Variants in MCM9 observed in about 807,000 individuals in gnomAD.
MCM9 encodes DNA helicase MCM9.
In MCM9, 55 loss-of-function variants were observed where a neutral mutation model predicts 72.8. The ratio of observed to expected loss-of-function variants is 0.76; its 90% CI spans 0.61 to 0.95. The LOEUF is 0.95. Ranked by LOEUF, MCM9 falls within the 40% of genes least tolerant of loss-of-function variation. MCM9 has a pLI of 0.00. For missense variants in MCM9, 1,279 were observed against 1,377.0 expected (o/e 0.93, Z 1.13); for synonymous variants, 480 against 503.4 (o/e 0.95, Z 0.62).
intron 6 of MCM9, among the ~76,000 whole-genome samples, chr6:118,915,625 G>A (rs1780880639): frequency 6.6e-6 from 1 of 152,128 alleles, no homozygotes; most frequent in African/African-American, 2.4e-5. Context: ...CTTTAGACCA[G>A]CAAAATGAAG....
Position 118,815,274 on chromosome 6 carries a change from C to CG in MCM9, c.2981dup (p.Gln995AlafsTer18). 6.4e-7 allele frequency: 1 copy of CG among 1,550,666 alleles called. No individual in the cohort carries two copies. Among genetic ancestry groups the CG allele is most frequent in the Non-Finnish European group, 8.7e-7 (1 of 1,146,940 alleles). ...GTCCGTGTTTCTCTGGTGGCTGCTGCGACACCTCCTTTGTCTCACCCTGTG... is the reference window on the plus strand; with the variant it reads ...GTCCGTGTTTCTCTGGTGGCTGCTGCGGACACCTCCTTTGTCTCACCCTGTG... On this transcript the variant is annotated frameshift_variant, in exon 14 of 14. Coordinates refer to ENST00000619706, the MANE Select transcript of MCM9 (RefSeq NM_017696.3). LOFTEE classifies it low-confidence loss of function (END_TRUNC).
chr6:118,862,363 C>A (rs1475549547), intron 8 of MCM9, among the ~76,000 whole-genome samples: 3 of 152,212 alleles, frequency 2.0e-5, no homozygotes, highest in African/African-American at 4.8e-5. Context: ...AGCTGGCATC[C>A]CCTCAGCAGT....
chr6:118,904,100 A>AG (rs11370751), intron 8 of MCM9, among the ~76,000 whole-genome samples: 44,410 of 152,086 alleles, frequency 0.29, 7,795 homozygotes, highest in African/African-American at 0.49. Context: ...CCAAAGAGAA[A>AG]GAACATATCT....
Position 118,814,701 on chromosome 6 carries a change from C to T in MCM9, c.*123G>A. 1.1e-6 allele frequency: 1 copy of T among 920,666 alleles called. No individual in the cohort carries two copies. Among genetic ancestry groups the T allele is most frequent in the African/African-American group, 1.7e-5 (1 of 59,814 alleles). The allele number at this position is 920,666 out of a possible 1,614,324, so 57.0% of individuals were successfully genotyped here. A position where few individuals can be genotyped will look rare whatever the true frequency, so the allele number is the denominator to read the frequency against. ...AAATTAGAAAGCCTTAAGGGGGAGC[C>T]AGTATTCAGAGTGATCCTCAATATG... is the stretch of plus-strand genomic sequence containing the variant. On this transcript the variant is annotated 3_prime_UTR_variant, in exon 14 of 14. Coordinates refer to ENST00000619706, the MANE Select transcript of MCM9 (RefSeq NM_017696.3).
intron 9 of MCM9, among the ~76,000 whole-genome samples, chr6:118,834,749 A>C (rs1037353032): frequency 3.3e-5 from 5 of 151,590 alleles, no homozygotes; most frequent in Non-Finnish European, 5.9e-5. Context: ...GATTCTGGAT[A>C]TTAGACCTTT....
At chr6:118,899,964 A>G (rs1779692608) in intron 8 of MCM9, among the ~76,000 whole-genome samples, 1 of 152,198 alleles carries the variant, frequency 6.6e-6, no homozygotes, top group African/African-American at 2.4e-5. Context: ...TCCTCCAAAG[A>G]GTTCTACTCA....
At chr6:118,824,674 G>T (rs1774050633) in intron 13 of MCM9, among the ~76,000 whole-genome samples, 1 of 152,146 alleles carries the variant, frequency 6.6e-6, no homozygotes, top group African/African-American at 2.4e-5. Flanking sequence ...GCATTTTCTG[G>T]AAGTAAAGCA....
At chr6:118,824,041 T>A (rs1241527205) in intron 13 of MCM9, among the ~76,000 whole-genome samples, 1 of 8,300 alleles carries the variant, frequency 1.2e-4, no homozygotes, top group Non-Finnish European at 2.0e-4. Flanking sequence ...CCACCTTTTT[T>A]TTTTTTTTTT....
chr6:118,861,060 G>A (rs894238264), intron 8 of MCM9, among the ~76,000 whole-genome samples: 14 of 152,204 alleles, frequency 9.2e-5, no homozygotes, highest in African/African-American at 3.4e-4. Context: ...GCATGGGACG[G>A]CCACAGGTGT....
At position 118,923,842 on chromosome 6, in the gene MCM9, C is replaced by G. The variant is rs1482778886; in HGVS notation, c.590G>C (p.Arg197Thr). ...SGLSSSPTRCRDYQEIKIQEQ... is the reference protein window; with the variant it reads ...SGLSSSPTRCTDYQEIKIQEQ... The stretch of plus-strand genomic sequence containing the variant: ...CTGAATTTTGATTTCCTGGTAATCT[C>G]TACACCTGGTTGGAGACGAAGACAA... Residue 197 changes from arginine (R) to threonine (T), a missense_variant, in exon 4 of 14, where the codon AGA becomes ACA. Physicochemically the swap from Arg to Thr is moderately conservative, Grantham distance 71 (BLOSUM62 -1). Coordinates refer to ENST00000619706, the MANE Select transcript of MCM9 (RefSeq NM_017696.3). 2.5e-6 allele frequency: 4 copies of G among 1,614,012 alleles called. No individual in the cohort carries two copies. Among genetic ancestry groups the G allele is most frequent in the East Asian group, 2.2e-5 (1 of 44,884 alleles).
intron 8 of MCM9, among the ~76,000 whole-genome samples, chr6:118,888,417 G>T (rs921987798): frequency 1.3e-5 from 2 of 152,106 alleles, no homozygotes; most frequent in Non-Finnish European, 2.9e-5. Flanking sequence ...AACCTGGGAG[G>T]CAGAGCTTGC....
At chr6:118,843,816 T>C (rs1376376340) in intron 9 of MCM9, among the ~76,000 whole-genome samples, 7 of 149,170 alleles carry the variant, frequency 4.7e-5, no homozygotes, top group Non-Finnish European at 1.0e-4. Context: ...AAATGATAAT[T>C]CAAATCAAAA....
chr6:118,859,864 C>T (rs187003820), intron 8 of MCM9, among the ~76,000 whole-genome samples: 2 of 152,188 alleles, frequency 1.3e-5, no homozygotes, highest in Admixed American at 6.5e-5. Flanking sequence ...CACCTCCAAC[C>T]CCTTCCAGTC....
intron 9 of MCM9, among the ~76,000 whole-genome samples, chr6:118,842,276 T>C (rs1489737406): frequency 6.6e-6 from 1 of 152,234 alleles, no homozygotes; most frequent in Non-Finnish European, 1.5e-5. Context: ...CTTGATTATT[T>C]AAAAATCTAG....
At chr6:118,867,767 C>T (rs977229681) in intron 8 of MCM9, among the ~76,000 whole-genome samples, 4 of 151,998 alleles carry the variant, frequency 2.6e-5, no homozygotes, top group Non-Finnish European at 5.9e-5. Flanking sequence ...TAATGCATTT[C>T]TCAGAATGTA....
At chr6:118,841,865 C>T (rs984576325) in intron 9 of MCM9, among the ~76,000 whole-genome samples, 2 of 148,706 alleles carry the variant, frequency 1.3e-5, no homozygotes, top group Admixed American at 6.7e-5. Context: ...CACGGAGTCT[C>T]GCTCTGTCGC....
chr6:118,835,207 T>C (rs575637091), intron 9 of MCM9, among the ~76,000 whole-genome samples: 1 of 152,314 alleles, frequency 6.6e-6, no homozygotes, highest in East Asian at 1.9e-4. Flanking sequence ...CATTGGTCTA[T>C]ATATCTGTTT....
At chr6:118,914,206 G>A (rs1780765080) in intron 6 of MCM9, among the ~76,000 whole-genome samples, 1 of 152,206 alleles carries the variant, frequency 6.6e-6, no homozygotes, top group Non-Finnish European at 1.5e-5. Context: ...AGCAGTGTAA[G>A]TATGAGATCT....
intron 8 of MCM9, among the ~76,000 whole-genome samples, chr6:118,866,771 A>G (rs1303786884): frequency 6.6e-6 from 1 of 152,236 alleles, no homozygotes; most frequent in Non-Finnish European, 1.5e-5. Context: ...CAAAGAAGTA[A>G]TGGCAGAAAA....
Sources: allele counts gnomAD v4.1 joint callset (sites outside exome capture counted in the v4.1 genomes callset), GRCh38; gene constraint gnomAD v4.1.1; transcripts MANE v1.5; gene names NCBI Gene and HGNC (gene_info 2026-07-23, HGNC 2026-07-21).